The following UBE2Q2 variants were observed in gnomAD, a reference collection of about 807,000 sequenced individuals.
UBE2Q2 encodes the protein ubiquitin conjugating enzyme E2 Q2.
A neutral mutation model predicts 59.9 loss-of-function variants in UBE2Q2; 54 were observed. That is an observed-to-expected ratio of 0.90 (90% CI 0.72 to 1.13). The LOEUF (loss-of-function observed/expected upper bound fraction) is 1.13. Ranked by LOEUF, UBE2Q2 falls within the 50% of genes most tolerant of loss-of-function variation. The pLI is 0.00. For synonymous variants in UBE2Q2, 165 were observed against 155.2 expected (o/e 1.06, Z -0.47); for missense variants, 433 against 441.9 (o/e 0.98, Z 0.18).
chr15:75,875,647 G>A (rs980190576), intron 5 of UBE2Q2, among the ~76,000 whole-genome samples: 3 of 152,142 alleles, frequency 2.0e-5, no homozygotes, highest in African/African-American at 7.2e-5. Flanking sequence ...ATGGTGGTCT[G>A]GACATGTTGG....
chr15:75,893,584 A>G (rs533228812), intron 11 of UBE2Q2, among the ~76,000 whole-genome samples: 172 of 152,320 alleles, frequency 1.1e-3, no homozygotes, highest in Non-Finnish European at 2.1e-3. Context: ...CAGGCATGGT[A>G]TAATAGACAA....
chr15:75,863,251 G>A (rs1025150131), intron 3 of UBE2Q2, among the ~76,000 whole-genome samples: 2 of 152,096 alleles, frequency 1.3e-5, no homozygotes, highest in African/African-American at 4.8e-5. Context: ...TGTTGGCTTT[G>A]CTCCATTAAT....
intron 1 of UBE2Q2, among the ~76,000 whole-genome samples, chr15:75,844,766 C>G (rs2593299): frequency 0.061 from 9,224 of 152,142 alleles, 933 homozygotes; most frequent in African/African-American, 0.21. Flanking sequence ...AGAATATTCT[C>G]TTGGTTATAA....
intron 9 of UBE2Q2, among the ~76,000 whole-genome samples, chr15:75,890,176 TATC>T (rs1347008776): frequency 6.6e-6 from 1 of 152,242 alleles, no homozygotes; most frequent in Non-Finnish European, 1.5e-5. Context: ...TAATTACTGA[TATC>T]ATACAAATCT....
chr15:75,899,268 C>CT (rs1019547677), intron 12 of UBE2Q2, among the ~76,000 whole-genome samples, 159 bp from the exon 13 acceptor site: 8 of 149,942 alleles, frequency 5.3e-5, no homozygotes, highest in African/African-American at 1.9e-4. Flanking sequence ...GAGTGAAACT[C>CT]TGTCTCAAAA....
intron 2 of UBE2Q2, among the ~76,000 whole-genome samples, chr15:75,855,859 A>C (rs968829495): frequency 6.6e-6 from 1 of 152,202 alleles, no homozygotes; most frequent in African/African-American, 2.4e-5. Context: ...CATGTTATAA[A>C]TATGTCACTT....
chr15:75,892,101 C>A (rs931725316), intron 11 of UBE2Q2, among the ~76,000 whole-genome samples: 1 of 152,142 alleles, frequency 6.6e-6, no homozygotes, highest in Admixed American at 6.5e-5. Flanking sequence ...CTATACTAAG[C>A]AGTCTAGTCT....
In UBE2Q2 at chr15:75,869,339, T is replaced by G. The variant is rs145939210; in HGVS notation, c.447+329T>G. Among the ~76,000 whole-genome samples, 454 of 152,338 alleles carry G rather than the reference T, an allele frequency of 3.0e-3. 1 individual carries two copies. Among genetic ancestry groups the G allele is most frequent in the African/African-American group, 9.6e-3 (399 of 41,580 alleles). ...AGAGGAACTACTAAGTTTAAAAAATTTTATGTTTGCATAAAAGGAGAATTT... is the reference window on the plus strand; with the variant it reads ...AGAGGAACTACTAAGTTTAAAAAATGTTATGTTTGCATAAAAGGAGAATTT... On this transcript the variant is annotated intron_variant, in intron 4 of 12. Coordinates refer to ENST00000267938, the MANE Select transcript of UBE2Q2 (RefSeq NM_173469.4).
intron 9 of UBE2Q2, among the ~76,000 whole-genome samples, chr15:75,885,966 A>G (rs1183603): frequency 5.7e-4 from 86 of 151,866 alleles, no homozygotes; most frequent in Admixed American, 1.4e-3. Flanking sequence ...TAAACACAAG[A>G]CTGAAAAATA....
chr15:75,899,429 T>C lies in UBE2Q2; in HGVS notation c.1099T>C (p.Trp367Arg). The change falls in exon 13 of 13, where the codon TGG becomes CGG. Residue 367 changes from tryptophan to arginine, a missense_variant and splice_region_variant. Coordinates refer to ENST00000267938, the MANE Select transcript of UBE2Q2 (RefSeq NM_173469.4). Reference sequence around the variant, plus strand: ...TTTTTTTTTTCATTCTATTTCAGGCTGGTACACCCCTCCAAAGGAAGATGG... The same window carrying C: ...TTTTTTTTTTCATTCTATTTCAGGCCGGTACACCCCTCCAAAGGAAGATGG... ...SIVQIHEKNG[W>R]YTPPKEDG 6.3e-7 allele frequency: 1 copy of C among 1,588,634 alleles called. No homozygotes were observed. Among genetic ancestry groups the C allele is most frequent in the Non-Finnish European group, 8.6e-7 (1 of 1,168,898 alleles).
At chr15:75,891,658 G>A (rs1186339948) in intron 11 of UBE2Q2, among the ~76,000 whole-genome samples, 1 of 152,150 alleles carries the variant, frequency 6.6e-6, no homozygotes, top group Non-Finnish European at 1.5e-5. Context: ...CAGTCTGGCT[G>A]CCCTAGGCCC....
chr15:75,844,794 G>A (rs1296745670), intron 1 of UBE2Q2, among the ~76,000 whole-genome samples: 1 of 152,116 alleles, frequency 6.6e-6, no homozygotes, highest in Non-Finnish European at 1.5e-5. Flanking sequence ...CAAGGTGGTG[G>A]CTTCGGGCTC....
In UBE2Q2 at chr15:75,869,000, A is replaced by G. The variant is rs779201306; in HGVS notation, c.437A>G (p.Glu146Gly). The G allele has an allele frequency of 6.2e-7, 1 of 1,612,144 alleles. No individual in the cohort carries two copies. The highest frequency in any genetic ancestry group is 8.5e-7 in the Non-Finnish European group (1 of 1,178,654). The change falls in exon 4 of 13, where the codon GAG becomes GGG. Residue 146 changes from glutamate (E) to glycine (G), a missense_variant. Glu to Gly is a moderately conservative substitution (Grantham distance 98). Transcript: ENST00000267938. ...TCAGAAGAAGAGGAAGAAGAAGAAG[A>G]GATGGCTGAAGTAGGTATTTTATAT... ...VTSEEEEEEE[E>G]MAEDIEDLDH...
At chr15:75,866,439 A>G (rs949344831) in intron 3 of UBE2Q2, among the ~76,000 whole-genome samples, 1 of 152,128 alleles carries the variant, frequency 6.6e-6, no homozygotes, top group Non-Finnish European at 1.5e-5. Flanking sequence ...TTGGCCTCCC[A>G]AAGTGTTACA....
At position 75,892,710 on chromosome 15, in the gene UBE2Q2, C is replaced by T. The variant is rs541049172; in HGVS notation, c.1029+1696C>T. On this transcript the variant is annotated intron_variant, in intron 11 of 12. Coordinates refer to ENST00000267938, the MANE Select transcript of UBE2Q2 (RefSeq NM_173469.4). ...ACTCGTCTACACAAAAAATACGCCCCCCACCCTAAAAAAACAATTAGCTGG... is the reference window on the plus strand; with the variant it reads ...ACTCGTCTACACAAAAAATACGCCCTCCACCCTAAAAAAACAATTAGCTGG... Among the ~76,000 whole-genome samples the T allele has an allele frequency of 3.1e-3, 475 of 151,958 alleles. 19 individuals are homozygous for T. In the East Asian group the frequency reaches 0.088, roughly 28 times the overall value.
At chr15:75,844,181 C>A (rs753931999) in intron 1 of UBE2Q2, 2 of 1,444,366 alleles carry the variant, frequency 1.4e-6, no homozygotes, top group Non-Finnish European at 1.8e-6. Context: ...CCGGCCTGCT[C>A]CCGGGACCGG....
At chr15:75,862,185 G>T (rs1897235847) in intron 3 of UBE2Q2, among the ~76,000 whole-genome samples, 1 of 152,080 alleles carries the variant, frequency 6.6e-6, no homozygotes, top group East Asian at 1.9e-4. Context: ...CTCACTGTGG[G>T]ATGGGCCCAT....
chr15:75,892,706 GC>G (rs573495272), intron 11 of UBE2Q2, among the ~76,000 whole-genome samples: 1 of 151,826 alleles, frequency 6.6e-6, no homozygotes, highest in African/African-American at 2.4e-5. Context: ...CAAAAAATAC[GC>G]CCCCCACCCT....
At chr15:75,886,591 A>G (rs113719917) in intron 9 of UBE2Q2, among the ~76,000 whole-genome samples, 1 of 152,292 alleles carries the variant, frequency 6.6e-6, no homozygotes, top group African/African-American at 2.4e-5. Flanking sequence ...ATAAATATAT[A>G]AAAACATTTT....
Sources: gnomAD v4.1 joint callset for allele counts (sites outside exome capture counted in the v4.1 genomes callset) on GRCh38, gnomAD v4.1.1 for gene constraint, MANE v1.5 for transcripts, NCBI Gene and HGNC (gene_info 2026-07-23, HGNC 2026-07-21) for gene names.